NUFIP1: variants seen among roughly 807,000 people sequenced by gnomAD.
The protein encoded by NUFIP1 is FMR1-interacting protein NUFIP1.
NUFIP1 carries 38 observed loss-of-function variants against 56.2 expected under a neutral mutation model. The ratio of observed to expected loss-of-function variants is 0.68; its 90% confidence interval spans 0.52 to 0.89. The LOEUF (loss-of-function observed/expected upper bound fraction) is 0.89, where lower values mean the gene tolerates loss of function less well. Among genes scored for constraint, NUFIP1 ranks in the 40% least tolerant of loss-of-function variants. The pLI is 0.00. For missense variants in NUFIP1, 567 were observed against 605.8 expected (o/e 0.94, Z 0.67); for synonymous variants, 215 against 212.4 (o/e 1.01, Z -0.10).
chr13:44,989,328 A>C lies in NUFIP1; in HGVS notation c.109T>G (p.Trp37Gly). The C allele has an allele frequency of 3.1e-6, 5 of 1,613,236 alleles. No individual in the cohort carries two copies. The highest frequency in any genetic ancestry group is 4.2e-6 in the Non-Finnish European group (5 of 1,179,812). ...LSDTAPPRDS[W>G]MFWAMLPPPP... ...GGCGGCAGCATTGCCCAGAACATCC[A>C]GCTGTCCCGCGGCGGGGCAGTGTCG... Residue 37 changes from tryptophan (W) to glycine (G), a missense_variant, in exon 1 of 10, where the codon TGG becomes GGG. Physicochemically the swap from Trp to Gly is radical, Grantham distance 184. Transcript: ENST00000379161.
intron 1 of NUFIP1, among the ~76,000 whole-genome samples, chr13:44,984,308 A>G (rs989569185): frequency 2.0e-5 from 3 of 152,206 alleles, no homozygotes; most frequent in African/African-American, 7.2e-5. Context: ...CATCTGACTC[A>G]GCCAAGTCCG....
chr13:44,954,768 G>A (rs1170519813), intron 7 of NUFIP1, among the ~76,000 whole-genome samples: 1 of 152,112 alleles, frequency 6.6e-6, no homozygotes, highest in African/African-American at 2.4e-5. Context: ...TTGCTTTATA[G>A]TCTCCAGCTC....
At position 44,941,249 on chromosome 13, in the gene NUFIP1, A is replaced by C. The variant is rs769593039; in HGVS notation, c.1445T>G (p.Phe482Cys). 3.1e-6 allele frequency: 5 copies of C among 1,611,886 alleles called. No individual in the cohort carries two copies. The highest frequency in any genetic ancestry group is 4.2e-6 in the Non-Finnish European group (5 of 1,179,152). The change falls in exon 10 of 10, where the codon TTT becomes TGT. Residue 482 changes from phenylalanine (F) to cysteine (C), a missense_variant. Physicochemically the swap from Phe to Cys is radical, Grantham distance 205. Transcript: ENST00000379161. ...QCVRYIIKKD[F>C]FGLDTNSAKS... ...CGCAGAATTAGTATCCAGTCCAAAA[A>C]AGTCTTTTTTGATGATGTACCGAAC...
At chr13:44,965,660 C>T (rs1871572212) in intron 6 of NUFIP1, among the ~76,000 whole-genome samples, 184 bp downstream of exon 6, 1 of 152,098 alleles carries the variant, frequency 6.6e-6, no homozygotes. Flanking sequence ...CGCCACTGCA[C>T]TCCAGCCTGG....
chr13:44,979,590 A>G (rs1248069885), intron 4 of NUFIP1, among the ~76,000 whole-genome samples: 2 of 152,228 alleles, frequency 1.3e-5, no homozygotes, highest in African/African-American at 4.8e-5. Flanking sequence ...ATATGAGTAG[A>G]CGTGACAATC....
chr13:44,981,331 C>CAAAA (rs57342102), intron 2 of NUFIP1, among the ~76,000 whole-genome samples: 26 of 147,360 alleles, frequency 1.8e-4, no homozygotes, highest in African/African-American at 5.9e-4. Flanking sequence ...TTAGAAATAT[C>CAAAA]AAAAAAAAAA....
intron 2 of NUFIP1, among the ~76,000 whole-genome samples, chr13:44,981,448 T>C (rs778009762): frequency 5.3e-5 from 8 of 152,236 alleles, no homozygotes; most frequent in Non-Finnish European, 7.3e-5. Context: ...CCATTAGTAG[T>C]TAAGTTTTAG....
chr13:44,944,312 T>C (rs1870843309), intron 8 of NUFIP1, among the ~76,000 whole-genome samples: 1 of 152,110 alleles, frequency 6.6e-6, no homozygotes, highest in Non-Finnish European at 1.5e-5. Context: ...AAAGTCTGTA[T>C]TAATGTCAGA....
intron 8 of NUFIP1, among the ~76,000 whole-genome samples, chr13:44,948,312 T>G (rs1870964450): frequency 6.6e-6 from 1 of 152,004 alleles, no homozygotes; most frequent in Non-Finnish European, 1.5e-5. Context: ...CGGCTAACTT[T>G]TGTATTTTTT....
chr13:44,960,769 A>C (rs551472853), intron 6 of NUFIP1, among the ~76,000 whole-genome samples: 14 of 152,194 alleles, frequency 9.2e-5, no homozygotes, highest in Non-Finnish European at 1.9e-4. Flanking sequence ...TTTTAGAAAG[A>C]AAGCAAGTAT....
chr13:44,980,096 C>T, intron 3 of NUFIP1, 144 bp from the exon 4 acceptor site: 2 of 546,780 alleles, frequency 3.7e-6, no homozygotes, highest in South Asian at 6.5e-5. Flanking sequence ...ACAAAAATGA[C>T]TCCAAAACAG....
intron 5 of NUFIP1, among the ~76,000 whole-genome samples, chr13:44,968,939 T>C (rs1418972483): frequency 2.6e-5 from 4 of 152,192 alleles, no homozygotes; most frequent in Admixed American, 2.6e-4. Context: ...ACTCCTTTGA[T>C]GGAAGCCTTT....
At chr13:44,976,539 CAA>C (rs1342421941) in intron 5 of NUFIP1, among the ~76,000 whole-genome samples, 1 of 151,974 alleles carries the variant, frequency 6.6e-6, no homozygotes, top group Non-Finnish European at 1.5e-5. Context: ...GCAGAACAAA[CAA>C]AACATTTTTT....
chr13:44,969,880 C>G (rs760674438), intron 5 of NUFIP1, among the ~76,000 whole-genome samples: 4 of 152,176 alleles, frequency 2.6e-5, no homozygotes, highest in Non-Finnish European at 5.9e-5. Context: ...TCTTCCCACT[C>G]TCATTAAACC....
chr13:44,959,405 C>G lies in NUFIP1; in HGVS notation c.997G>C (p.Gly333Arg), dbSNP rs1398513714. 4 of 1,613,586 alleles carry G rather than the reference C, an allele frequency of 2.5e-6. No individual in the cohort carries two copies. ...GPPEANADPL[G>R]VLINSDSESD... The stretch of plus-strand genomic sequence containing the variant: ...CCAGAATCACTGTTTATCAAAACAC[C>G]AAGAGGATCTGCATTTGCCTCCGGT... The change falls in exon 7 of 10, where the codon GGT becomes CGT. Residue 333 changes from glycine to arginine, a missense_variant. Gly to Arg is a moderately radical substitution (Grantham distance 125). Transcript: ENST00000379161.
At chr13:44,983,574 A>G (rs1872274062) in intron 1 of NUFIP1, among the ~76,000 whole-genome samples, 1 of 152,150 alleles carries the variant, frequency 6.6e-6, no homozygotes, top group Non-Finnish European at 1.5e-5. Context: ...AGGCGGGCAG[A>G]CCACTTGAGC....
chr13:44,966,564 C>T (rs1871609397), intron 5 of NUFIP1, among the ~76,000 whole-genome samples: 1 of 152,066 alleles, frequency 6.6e-6, no homozygotes, highest in African/African-American at 2.4e-5. Context: ...ACCCACCTGC[C>T]TCAGCCTCCC....
At chr13:44,983,060 G>A (rs1872250285) in intron 1 of NUFIP1, among the ~76,000 whole-genome samples, 1 of 152,162 alleles carries the variant, frequency 6.6e-6, no homozygotes, top group African/African-American at 2.4e-5. Flanking sequence ...TCACTATGTT[G>A]CCCAGGCTGA....
intron 6 of NUFIP1, among the ~76,000 whole-genome samples, chr13:44,961,548 C>G (rs1385167171): frequency 6.6e-6 from 1 of 151,882 alleles, no homozygotes; most frequent in Non-Finnish European, 1.5e-5. Flanking sequence ...ATTTTTAATC[C>G]CTTTAGGGTC....
Sources: gnomAD v4.1 joint callset for allele counts (sites outside exome capture counted in the v4.1 genomes callset) on GRCh38, gnomAD v4.1.1 for gene constraint, MANE v1.5 for transcripts, NCBI Gene and HGNC (gene_info 2026-07-23, HGNC 2026-07-21) for gene names.